The following TSHZ3 variants were observed in gnomAD, a reference collection of about 807,000 sequenced individuals.
The protein encoded by TSHZ3 is teashirt homolog 3.
A neutral mutation model predicts 64.5 loss-of-function variants in TSHZ3; 10 were observed. The ratio of observed to expected loss-of-function variants is 0.16; its 90% CI spans 0.10 to 0.26. The LOEUF (loss-of-function observed/expected upper bound fraction) is 0.26. TSHZ3 is among the 10% of genes least tolerant of loss of function. TSHZ3 has a pLI of 1.00. For missense variants in TSHZ3, 1,242 were observed against 1,421.7 expected (o/e 0.87, Z 2.03); for synonymous variants, 608 against 593.1 (o/e 1.03, Z -0.36).
At chr19:31,234,442 C>A (rs540310090) in intron 3 of TSHZ3, among the ~76,000 whole-genome samples, 20 of 152,132 alleles carry the variant, frequency 1.3e-4, no homozygotes, top group Non-Finnish European at 2.6e-4. Flanking sequence ...GACTGAACAT[C>A]TTTGTCTTAT....
At chr19:31,286,461 C>T (rs762427131) in intron 1 of TSHZ3, among the ~76,000 whole-genome samples, 3 of 152,230 alleles carry the variant, frequency 2.0e-5, no homozygotes, top group Non-Finnish European at 4.4e-5. Context: ...ACATTCATTG[C>T]ATCTGGTCCT....
chr19:31,345,829 C>T (rs1273732926), intron 1 of TSHZ3, among the ~76,000 whole-genome samples: 1 of 151,900 alleles, frequency 6.6e-6, no homozygotes, highest in African/African-American at 2.4e-5. Flanking sequence ...TTTTAAAAAC[C>T]ACTCTGAACA....
chr19:31,208,814 T>G (rs2145157566), intron 4 of TSHZ3, among the ~76,000 whole-genome samples: 1 of 152,314 alleles, frequency 6.6e-6, no homozygotes, highest in South Asian at 2.1e-4. Flanking sequence ...TGTGCAGATC[T>G]TACTTACCAA....
chr19:31,346,907 TCCA>T (rs1232488997), intron 1 of TSHZ3, among the ~76,000 whole-genome samples: 1 of 149,628 alleles, frequency 6.7e-6, no homozygotes, highest in Non-Finnish European at 1.5e-5. Context: ...CACCCCCTCC[TCCA>T]CATGTCCATT....
At chr19:31,210,546 C>T (rs539068621) in intron 4 of TSHZ3, among the ~76,000 whole-genome samples, 4 of 152,204 alleles carry the variant, frequency 2.6e-5, no homozygotes, top group Non-Finnish European at 5.9e-5. Flanking sequence ...GCCTGGAACA[C>T]GTTTCATGAG....
At chr19:31,347,124 C>T (rs867516741) in intron 1 of TSHZ3, among the ~76,000 whole-genome samples, 34 of 151,706 alleles carry the variant, frequency 2.2e-4, no homozygotes, top group Middle Eastern at 6.8e-3. Flanking sequence ...CCTATTAGTC[C>T]TGCAGTCAAG....
chr19:31,347,375 G>A (rs923543921), intron 1 of TSHZ3, among the ~76,000 whole-genome samples: 1 of 151,954 alleles, frequency 6.6e-6, no homozygotes. Flanking sequence ...AGAGAGTTCT[G>A]AACCAAATGT....
At position 31,277,918 on chromosome 19, in the gene TSHZ3, C is replaced by T. The variant is rs1976277958; in HGVS notation, c.1875G>A (p.Glu625=). The change falls in exon 2 of 2, where the codon GAG becomes GAA. Residue 625 remains glutamate (E), a synonymous_variant. Coordinates refer to ENST00000240587, the MANE Select transcript of TSHZ3 (RefSeq NM_020856.4). The surrounding 1 kb of genome is among the most constrained non-coding windows in gnomAD (Gnocchi z 4.5). ...KKVTEKVAKV[E]EKMKEPDGKL... ...TCCCATCCGGCTCCTTCATCTTCTC[C>T]TCCACTTTGGCAACTTTCTCAGTGA... 6.2e-7 allele frequency: 1 copy of T among 1,614,226 alleles called. No homozygotes were observed. Among genetic ancestry groups the T allele is most frequent in the East Asian group, 2.2e-5 (1 of 44,878 alleles).
intron 4 of TSHZ3, among the ~76,000 whole-genome samples, chr19:31,227,248 G>T (rs1348708832): frequency 6.6e-6 from 1 of 151,832 alleles, no homozygotes; most frequent in Non-Finnish European, 1.5e-5. Flanking sequence ...CCAGAGTGCT[G>T]GGATTACAGG....
intron 1 of TSHZ3, among the ~76,000 whole-genome samples, chr19:31,333,398 C>T (rs904002029): frequency 2.0e-5 from 3 of 152,124 alleles, no homozygotes; most frequent in African/African-American, 7.2e-5. Context: ...TACACTCTCC[C>T]TCCTGTAACA....
At chr19:31,177,979 G>A (rs373702079) in intron 5 of TSHZ3, among the ~76,000 whole-genome samples, 22 of 152,204 alleles carry the variant, frequency 1.4e-4, no homozygotes, top group East Asian at 5.8e-4. Context: ...CAAACACCAC[G>A]GACTGGGCAT....
chr19:31,204,070 G>A (rs149253303), intron 5 of TSHZ3, among the ~76,000 whole-genome samples: 6 of 152,144 alleles, frequency 3.9e-5, no homozygotes, highest in South Asian at 4.2e-4. Flanking sequence ...TCACAAAACC[G>A]TCAGATCTCC....
intron 5 of TSHZ3, among the ~76,000 whole-genome samples, chr19:31,183,230 C>T (rs866496471): frequency 5.5e-5 from 8 of 144,722 alleles, no homozygotes; most frequent in African/African-American, 1.4e-4. Context: ...CTCTCTCTTT[C>T]TCTCTCTCTC....
At chr19:31,310,805 T>C (rs1916436468) in intron 1 of TSHZ3, among the ~76,000 whole-genome samples, 1 of 152,206 alleles carries the variant, frequency 6.6e-6, no homozygotes. Context: ...TTAATGGAAT[T>C]ATGCACATAA....
intron 4 of TSHZ3, among the ~76,000 whole-genome samples, chr19:31,208,823 A>G (rs1874493): frequency 0.72 from 110,035 of 152,124 alleles, 40,312 homozygotes; most frequent in African/African-American, 0.85. Context: ...CTTACTTACC[A>G]ACGCTACCTT....
intron 1 of TSHZ3, among the ~76,000 whole-genome samples, chr19:31,336,810 C>G (rs1917258720): frequency 6.6e-6 from 1 of 152,160 alleles, no homozygotes; most frequent in African/African-American, 2.4e-5. Flanking sequence ...AACTTTGTGT[C>G]AAGCCCTTCA....
intron 1 of TSHZ3, among the ~76,000 whole-genome samples, chr19:31,294,298 C>T (rs1157598568): frequency 6.6e-6 from 1 of 152,048 alleles, no homozygotes; most frequent in Admixed American, 6.6e-5. Flanking sequence ...ATCCAGGACT[C>T]AGCCAGCACT....
chr19:31,303,484 C>A (rs1298873449), intron 1 of TSHZ3, among the ~76,000 whole-genome samples: 1 of 152,088 alleles, frequency 6.6e-6, no homozygotes, highest in East Asian at 1.9e-4. Context: ...ACCACTTGAC[C>A]TGCACGGGGC....
chr19:31,212,113 A>C (rs976498285), intron 4 of TSHZ3, among the ~76,000 whole-genome samples: 5 of 151,888 alleles, frequency 3.3e-5, no homozygotes, highest in Non-Finnish European at 7.4e-5. Context: ...ATGTTAGGGC[A>C]GTCCCTTACC....
Sources: allele counts gnomAD v4.1 joint callset (sites outside exome capture counted in the v4.1 genomes callset), GRCh38; gene constraint gnomAD v4.1.1; non-coding constraint Gnocchi (gnomAD v3.1); transcripts MANE v1.5; gene names NCBI Gene and HGNC (gene_info 2026-07-23, HGNC 2026-07-21).